Variants in HMGXB3 observed in about 807,000 individuals in gnomAD.
HMGXB3 encodes the protein HMG-box containing 3, also known as HMG domain-containing protein 3.
Under a neutral mutation model 121.5 loss-of-function variants are expected in HMGXB3, and 45 were observed. That is an observed-to-expected ratio of 0.37 (90% confidence interval 0.29 to 0.47). The LOEUF (loss-of-function observed/expected upper bound fraction) is 0.47. HMGXB3 is among the 20% of genes least tolerant of loss of function. The pLI is 0.99. For synonymous variants in HMGXB3, 590 were observed against 624.1 expected, an observed-to-expected ratio of 0.95 and a Z score of 0.81; for missense variants, 1,376 against 1,602.2, an observed-to-expected ratio of 0.86 and a Z score of 2.41.
intron 6 of HMGXB3, among the ~76,000 whole-genome samples, chr5:150,023,824 G>A (rs1296922043): frequency 6.6e-6 from 1 of 152,204 alleles, no homozygotes; most frequent in Non-Finnish European, 1.5e-5. Flanking sequence ...ATGAGGTTGC[G>A]GCCACATTGG....
At chr5:150,038,234 T>A (rs973149365) in intron 13 of HMGXB3, among the ~76,000 whole-genome samples, 5 of 152,228 alleles carry the variant, frequency 3.3e-5, no homozygotes, top group Non-Finnish European at 5.9e-5. Context: ...CTAAGTTTTG[T>A]TTGTAGAATT....
chr5:150,040,915 C>A (rs1332952112), intron 14 of HMGXB3, 36 bp downstream of exon 14: 3 of 1,491,190 alleles, frequency 2.0e-6, no homozygotes, highest in Non-Finnish European at 2.7e-6. Flanking sequence ...CAAGGTTAGT[C>A]CTAAGCTCCC....
intron 13 of HMGXB3, 83 bp from the exon 14 acceptor site, chr5:150,040,665 A>G (rs1561881459): frequency 1.2e-5 from 17 of 1,420,716 alleles, no homozygotes; most frequent in Admixed American, 2.5e-5. Flanking sequence ...GGCACGTGCC[A>G]CCGCACCCAG....
chr5:150,007,805 A>T (rs1410258666), intron 3 of HMGXB3, among the ~76,000 whole-genome samples: 1 of 152,188 alleles, frequency 6.6e-6, no homozygotes, highest in African/African-American at 2.4e-5. Flanking sequence ...CCGTAATCCC[A>T]GCACTTTAGG....
chr5:150,037,785 AAC>A (rs1756534067), intron 13 of HMGXB3, among the ~76,000 whole-genome samples: 1 of 152,268 alleles, frequency 6.6e-6, no homozygotes, highest in Admixed American at 6.5e-5. Flanking sequence ...AAAAAGAGGA[AAC>A]AAAAAATCAA....
chr5:150,042,371 G>A (rs1049241845), intron 15 of HMGXB3, among the ~76,000 whole-genome samples: 3 of 152,188 alleles, frequency 2.0e-5, no homozygotes, highest in African/African-American at 7.2e-5. Flanking sequence ...GCACAGTAAA[G>A]CTGGGTAAGA....
chr5:150,020,533 C>T (rs191433099), intron 6 of HMGXB3, among the ~76,000 whole-genome samples: 2 of 152,096 alleles, frequency 1.3e-5, no homozygotes, highest in Non-Finnish European at 2.9e-5. Flanking sequence ...TTTTTCATTT[C>T]TTGTATGTGT....
At chr5:150,041,026 C>CT in intron 14 of HMGXB3, 147 bp downstream of exon 14, 1 of 812,256 alleles carries the variant, frequency 1.2e-6, no homozygotes, top group Non-Finnish European at 1.8e-6. Flanking sequence ...TACACTCTTC[C>CT]TTTTGAATTT....
Position 150,051,783 on chromosome 5 carries a change from A to G in HMGXB3, c.3470A>G (p.Glu1157Gly). ...QHYTVDMTET[E>G]HSIQHPVTKT... The stretch of plus-strand genomic sequence containing the variant: ...TATACTGTGGACATGACAGAAACTG[A>G]GCACTCTATCCAGCACCCAGTCACC... The change falls in exon 20 of 20, where the codon GAG (glutamate) becomes GGG (glycine). Residue 1157 changes from glutamate (E) to glycine (G), a missense_variant. By Grantham distance (98) the Glu-to-Gly change is moderately conservative. This residue lies in a region of HMGXB3 where 260 missense variants were observed against 233.2 expected (regional missense o/e 1.11). Transcript: ENST00000502717. 6.5e-7 allele frequency: 1 copy of G among 1,545,218 alleles called. No homozygotes were observed. Among genetic ancestry groups the G allele is most frequent in the Non-Finnish European group, 8.7e-7 (1 of 1,147,036 alleles).
chr5:150,023,538 G>A (rs11167492), intron 6 of HMGXB3, among the ~76,000 whole-genome samples: 83,047 of 152,110 alleles, frequency 0.55, 25,521 homozygotes, highest in Non-Finnish European at 0.69. Context: ...TTTTAAAAGC[G>A]TATGTGTGTA....
At chr5:150,051,601 G>GAC (rs1303333966) in intron 19 of HMGXB3, 124 bp from the exon 20 acceptor site, 1 of 782,748 alleles carries the variant, frequency 1.3e-6, no homozygotes, top group African/African-American at 1.7e-5. Flanking sequence ...TGGCCTAGGA[G>GAC]ACACAGTACA....
rs765903124 is a variant in HMGXB3 at position 150,040,929 on chromosome 5, G to C, written c.2545+50G>C. On this transcript the variant is annotated intron_variant, in intron 14 of 19. Coordinates refer to ENST00000502717, the MANE Select transcript of HMGXB3 (RefSeq NM_014983.3). ...CCAAGGTTAGTCCTAAGCTCCCTCG[G>C]AATTTTCAGTGATGGCATTTGGTTA... 1.0e-5 allele frequency: 15 copies of C among 1,454,650 alleles called. 1 individual carries two copies. In the South Asian group the frequency reaches 2.1e-4, roughly 20 times the overall value. The allele number at this position is 1,454,650 out of a possible 1,614,324, so 90.1% of individuals were successfully genotyped here.
intron 5 of HMGXB3, among the ~76,000 whole-genome samples, chr5:150,016,816 CTGATA>C (rs1288932435): frequency 6.6e-6 from 1 of 152,084 alleles, no homozygotes; most frequent in East Asian, 1.9e-4. Flanking sequence ...CTGCCTTCTT[CTGATA>C]TAAGTATTTT....
intron 5 of HMGXB3, among the ~76,000 whole-genome samples, chr5:150,015,780 C>T (rs748289532): frequency 1.3e-5 from 2 of 152,132 alleles, no homozygotes; most frequent in Non-Finnish European, 2.9e-5. Flanking sequence ...GGGGATTTTC[C>T]AGATATCTTT....
intron 17 of HMGXB3, among the ~76,000 whole-genome samples, chr5:150,048,038 T>G (rs1333273896): frequency 2.0e-5 from 3 of 152,238 alleles, no homozygotes; most frequent in African/African-American, 7.2e-5. Flanking sequence ...TGCTTTATAT[T>G]TTGAGCTTCA....
intron 17 of HMGXB3, 42 bp from the exon 18 acceptor site, chr5:150,048,527 A>G (rs758930119): frequency 4.1e-5 from 54 of 1,330,572 alleles, no homozygotes; most frequent in African/African-American, 3.1e-4. Flanking sequence ...GTGGTCCCTT[A>G]GCATTCGCCC....
At chr5:150,019,648 A>C (rs1756042445) in intron 6 of HMGXB3, among the ~76,000 whole-genome samples, 2 of 152,360 alleles carry the variant, frequency 1.3e-5, no homozygotes, top group South Asian at 4.1e-4. Flanking sequence ...GGTATTATAG[A>C]AGAGAGAGAG....
intron 1 of HMGXB3, among the ~76,000 whole-genome samples, chr5:150,002,969 C>G (rs1755613746): frequency 2.0e-5 from 3 of 152,084 alleles, no homozygotes; most frequent in African/African-American, 7.2e-5. Flanking sequence ...ATAATGAGAT[C>G]TCATCTCTAC....
chr5:150,022,817 CTTTTT>C (rs11388244), intron 6 of HMGXB3, among the ~76,000 whole-genome samples: 1 of 119,934 alleles, frequency 8.3e-6, no homozygotes, highest in African/African-American at 3.1e-5. Flanking sequence ...GTTACTGGCT[CTTTTT>C]TTTTTTTTTT....
Sources: allele counts gnomAD v4.1 joint callset (sites outside exome capture counted in the v4.1 genomes callset), GRCh38; gene constraint gnomAD v4.1.1; regional missense constraint gnomAD v4.1.1; transcripts MANE v1.5; gene names NCBI Gene and HGNC (gene_info 2026-07-23, HGNC 2026-07-21).